The following FIG4 variants were observed in gnomAD, a reference collection of about 807,000 sequenced individuals.
FIG4 encodes FIG4 phosphoinositide 5-phosphatase.
Under a neutral mutation model 118.6 loss-of-function variants are expected in FIG4, and 112 were observed. The ratio of observed to expected loss-of-function variants is 0.94; its 90% CI spans 0.81 to 1.11. FIG4 has a LOEUF of 1.11. Ranked by LOEUF, FIG4 falls within the 50% of genes least tolerant of loss-of-function variation. The pLI, the probability that FIG4 is intolerant of heterozygous loss-of-function variation, is 0.00. For synonymous variants in FIG4, 369 were observed against 381.2 expected, an observed-to-expected ratio of 0.97 and a Z score of 0.37; for missense variants, 969 against 1,111.7, an observed-to-expected ratio of 0.87 and a Z score of 1.83.
chr6:109,740,528 A>G (rs1039559942), intron 7 of FIG4, among the ~76,000 whole-genome samples: 6 of 152,166 alleles, frequency 3.9e-5, no homozygotes, highest in Non-Finnish European at 8.8e-5. Context: ...TTGGCTCAGA[A>G]AGTTAAGTAA....
Position 109,791,580 on chromosome 6 carries a change from G to A in FIG4, c.2376+9G>A, listed in dbSNP as rs374450869. ...GTGCCAAAGTGACCGAGGTGCGGGG[G>A]AGGGAAGCCTGTGGCATCCAGCCTG... is the stretch of plus-strand genomic sequence containing the variant. On this transcript the variant is annotated intron_variant, in intron 20 of 22. Transcript: ENST00000230124. The A allele has an allele frequency of 2.6e-5, 42 of 1,613,312 alleles. No homozygotes were observed. In the African/African-American group the frequency reaches 3.1e-4, roughly 12 times the overall value.
intron 15 of FIG4, among the ~76,000 whole-genome samples, chr6:109,772,439 G>A (rs1777494331): frequency 6.6e-6 from 1 of 151,958 alleles, no homozygotes; most frequent in Non-Finnish European, 1.5e-5. Flanking sequence ...ATCTCTGCTG[G>A]GATATTGAAT....
In FIG4 at chr6:109,749,733, A is replaced by C. The variant is rs146471962; in HGVS notation, c.1137+5961A>C. Among the ~76,000 whole-genome samples the C allele has an allele frequency of 4.1e-3, 629 of 152,280 alleles. 2 individuals carry two copies. Among genetic ancestry groups the C allele is most frequent in the Non-Finnish European group, 4.2e-3 (289 of 68,002 alleles). On this transcript the variant is annotated intron_variant, in intron 10 of 22. Transcript: ENST00000230124. ...TCTCTTAATTGTGCACACTCAAAAA[A>C]TACTATCATACATGTGATCATAATG...
At chr6:109,766,678 CTT>C in intron 14 of FIG4, 49 bp from the exon 15 acceptor site, 1 of 1,528,334 alleles carries the variant, frequency 6.5e-7, no homozygotes, top group East Asian at 2.3e-5. Context: ...AAGTGAATAA[CTT>C]GTGCTTTGAT....
chr6:109,746,483 C>T (rs117132920), intron 10 of FIG4, among the ~76,000 whole-genome samples: 4 of 152,120 alleles, frequency 2.6e-5, no homozygotes, highest in East Asian at 1.9e-4. Context: ...CAACTCAGAG[C>T]GCAGCATGTA....
intron 1 of FIG4, among the ~76,000 whole-genome samples, chr6:109,707,367 A>G (rs1454764879): frequency 7.7e-6 from 1 of 130,396 alleles, no homozygotes; most frequent in Non-Finnish European, 1.5e-5. Context: ...ATATACGTGT[A>G]TATATATATA....
chr6:109,819,905 A>C (rs746927504), intron 22 of FIG4, among the ~76,000 whole-genome samples: 1 of 152,194 alleles, frequency 6.6e-6, no homozygotes, highest in Non-Finnish European at 1.5e-5. Context: ...TTTCTACTAA[A>C]TCTTTCTTAA....
At chr6:109,715,754 A>G (rs1255956423) in intron 2 of FIG4, among the ~76,000 whole-genome samples, 1 of 152,190 alleles carries the variant, frequency 6.6e-6, no homozygotes, top group African/African-American at 2.4e-5. Flanking sequence ...TGGTTTGAAC[A>G]GTTAAGTTTA....
intron 22 of FIG4, among the ~76,000 whole-genome samples, chr6:109,802,608 A>G (rs879387820): frequency 2.0e-5 from 3 of 152,256 alleles, no homozygotes; most frequent in Admixed American, 6.5e-5. Flanking sequence ...TTGGATTTAT[A>G]TGAATGCATC....
intron 1 of FIG4, among the ~76,000 whole-genome samples, chr6:109,702,815 C>T (rs906178847): frequency 6.6e-6 from 1 of 152,090 alleles, no homozygotes; most frequent in African/African-American, 2.4e-5. Flanking sequence ...TAAATTGAAC[C>T]CTGACTTTCC....
At chr6:109,743,632 G>T (rs758092161) in intron 9 of FIG4, 43 bp from the exon 10 acceptor site, 3 of 1,463,432 alleles carry the variant, frequency 2.0e-6, no homozygotes, top group Non-Finnish European at 2.9e-6. Flanking sequence ...ATTTTGCTTT[G>T]CAATTTTCAT....
At chr6:109,816,551 G>T (rs951340586) in intron 22 of FIG4, among the ~76,000 whole-genome samples, 3 of 152,166 alleles carry the variant, frequency 2.0e-5, no homozygotes, top group African/African-American at 7.2e-5. Flanking sequence ...CAAATGTACC[G>T]TACTAATGGA....
chr6:109,718,013 A>G (rs1424401803), intron 3 of FIG4, among the ~76,000 whole-genome samples: 1 of 152,196 alleles, frequency 6.6e-6, no homozygotes, highest in Admixed American at 6.5e-5. Context: ...AAGAGGCTTA[A>G]TTGGCTCATG....
At chr6:109,783,926 T>TAGGCTTCATATTCCTTTTTTCATC (rs1455342396) in intron 16 of FIG4, among the ~76,000 whole-genome samples, 5 of 152,236 alleles carry the variant, frequency 3.3e-5, no homozygotes, top group African/African-American at 1.2e-4. Flanking sequence ...CACAATTCAT[T>TAGGCTTCATATTCCTTTTTTCATC]AGGCTTCATA....
rs1778130225 is a variant in FIG4, at chr6:109,791,384, G to A, written c.2189G>A (p.Ser730Asn). 1 of 1,612,556 alleles carries A rather than the reference G, an allele frequency of 6.2e-7. No individual in the cohort carries two copies. The change falls in exon 20 of 23, where the codon AGC becomes AAC. Residue 730 changes from serine to asparagine, a missense_variant. Transcript: ENST00000230124. The stretch of plus-strand genomic sequence containing the variant: ...TATTATTCTTTTAAAAGAAACAAAA[G>A]CAATAGAGAAGAAGCTGTATTACAG... ...ETGKSVLGNK[S>N]NREEAVLQRK...
chr6:109,751,810 TC>T (rs1776709449), intron 10 of FIG4, among the ~76,000 whole-genome samples: 4 of 137,484 alleles, frequency 2.9e-5, no homozygotes, highest in African/African-American at 5.4e-5. Context: ...TCTCTTTTTT[TC>T]TTTTTTTTTT....
intron 1 of FIG4, among the ~76,000 whole-genome samples, chr6:109,714,287 C>G (rs779521917): frequency 1.1e-4 from 16 of 152,130 alleles, no homozygotes; most frequent in Admixed American, 5.2e-4. Context: ...TGCAGGGTTC[C>G]CAGCTTCTTC....
intron 1 of FIG4, among the ~76,000 whole-genome samples, chr6:109,713,128 A>T (rs1353820271): frequency 6.6e-6 from 1 of 152,126 alleles, no homozygotes; most frequent in Non-Finnish European, 1.5e-5. Context: ...ACGTGTAGTG[A>T]CTGCTGGTCA....
chr6:109,765,001 A>G lies in FIG4; in HGVS notation c.1435-12A>G, dbSNP rs1441107432. ...GAATAATGATTGAAAATCTTAAGGTATTTCTCTTTAGACTGGCATCCTTCG... is the reference window on the plus strand; with the variant it reads ...GAATAATGATTGAAAATCTTAAGGTGTTTCTCTTTAGACTGGCATCCTTCG... On this transcript the variant is annotated splice_polypyrimidine_tract_variant and intron_variant, in intron 13 of 22. Coordinates refer to ENST00000230124, the MANE Select transcript of FIG4 (RefSeq NM_014845.6). The G allele has an allele frequency of 1.2e-6, 2 of 1,611,858 alleles. No individual in the cohort carries two copies. The highest frequency in any genetic ancestry group is 1.7e-6 in the Non-Finnish European group (2 of 1,178,094).
Sources: gnomAD v4.1 joint callset for allele counts (sites outside exome capture counted in the v4.1 genomes callset) on GRCh38, gnomAD v4.1.1 for gene constraint, MANE v1.5 for transcripts, NCBI Gene and HGNC (gene_info 2026-07-23, HGNC 2026-07-21) for gene names.